The following PNOC variants were observed in gnomAD, a reference collection of about 807,000 sequenced individuals.
The protein encoded by PNOC is nociceptin.
Under a neutral mutation model 15.6 loss-of-function variants are expected in PNOC, and 10 were observed. The observed-to-expected ratio is 0.64, with a 90% confidence interval of 0.40 to 1.09. The LOEUF is 1.09. Ranked by LOEUF, PNOC falls within the 50% of genes least tolerant of loss-of-function variation. The pLI is 0.01. For synonymous variants in PNOC, 98 were observed against 88.5 expected (o/e 1.11, Z -0.60); for missense variants, 220 against 223.9 (o/e 0.98, Z 0.11).
chr8:28,335,563 T>C (rs1195177765), intron 2 of PNOC, among the ~76,000 whole-genome samples: 1 of 152,192 alleles, frequency 6.6e-6, no homozygotes, highest in Non-Finnish European at 1.5e-5. Context: ...GTTTCACTCT[T>C]GTTGCCCAGG....
intron 2 of PNOC, 53 bp downstream of exon 2, chr8:28,329,336 C>T: frequency 6.3e-7 from 1 of 1,599,866 alleles, no homozygotes; most frequent in Non-Finnish European, 8.5e-7. Flanking sequence ...ACTACCTCCT[C>T]CCTCCCTACT....
intron 2 of PNOC, among the ~76,000 whole-genome samples, chr8:28,333,394 C>T (rs901919485): frequency 6.6e-6 from 1 of 152,176 alleles, no homozygotes. Context: ...ATGCCATCAG[C>T]GTGGGCTGCC....
chr8:28,320,787 G>A (rs1193983240), intron 1 of PNOC, among the ~76,000 whole-genome samples: 1 of 149,942 alleles, frequency 6.7e-6, no homozygotes, highest in Admixed American at 6.7e-5. Context: ...GGAGGTGGAG[G>A]TTGCGGTGAG....
At chr8:28,339,690 C>T (rs150979095) in intron 3 of PNOC, 199 bp downstream of exon 3, 21 of 401,310 alleles carry the variant, frequency 5.2e-5, no homozygotes, top group African/African-American at 2.6e-4. Context: ...TGACCACTTC[C>T]GGCTAGAGAC....
At chr8:28,340,517 G>A (rs1362980706) in intron 3 of PNOC, among the ~76,000 whole-genome samples, 4 of 152,170 alleles carry the variant, frequency 2.6e-5, no homozygotes, top group South Asian at 2.1e-4. Flanking sequence ...AAGGCTATGT[G>A]CCTTAATTTG....
At chr8:28,337,621 C>T (rs1170357157) in intron 2 of PNOC, among the ~76,000 whole-genome samples, 1 of 126,162 alleles carries the variant, frequency 7.9e-6, no homozygotes, top group Non-Finnish European at 1.6e-5. Context: ...CTCGTTCTGT[C>T]GCCCAGCGTC....
At chr8:28,325,184 C>T (rs940487147) in intron 1 of PNOC, among the ~76,000 whole-genome samples, 16 of 152,214 alleles carry the variant, frequency 1.1e-4, no homozygotes, top group Admixed American at 3.3e-4. Context: ...CCCCGAGGCT[C>T]GCTGGCCTCC....
chr8:28,337,835 C>T (rs575644970), intron 2 of PNOC, among the ~76,000 whole-genome samples: 11 of 152,064 alleles, frequency 7.2e-5, no homozygotes, highest in African/African-American at 2.7e-4. Context: ...TCGTGATCCA[C>T]CCGCCTCGGC....
chr8:28,336,208 A>G (rs1223883418), intron 2 of PNOC, among the ~76,000 whole-genome samples: 1 of 152,222 alleles, frequency 6.6e-6, no homozygotes, highest in African/African-American at 2.4e-5. Context: ...CCTACTCTTT[A>G]CTGGAAGGAG....
At chr8:28,326,143 G>A (rs1156233177) in intron 1 of PNOC, among the ~76,000 whole-genome samples, 1 of 152,030 alleles carries the variant, frequency 6.6e-6, no homozygotes, top group African/African-American at 2.4e-5. Context: ...TTTGAGGCCA[G>A]GAGTTCGAGA....
At chr8:28,340,446 A>T (rs1486659710) in intron 3 of PNOC, among the ~76,000 whole-genome samples, 1 of 152,180 alleles carries the variant, frequency 6.6e-6, no homozygotes, top group Non-Finnish European at 1.5e-5. Flanking sequence ...CATCACTTTG[A>T]GTGGCATTGG....
intron 2 of PNOC, among the ~76,000 whole-genome samples, chr8:28,334,224 T>C (rs1801375821): frequency 6.6e-6 from 1 of 152,160 alleles, no homozygotes; most frequent in Non-Finnish European, 1.5e-5. Context: ...TACTACACAT[T>C]GATTCTAGCT....
intron 3 of PNOC, among the ~76,000 whole-genome samples, chr8:28,340,581 G>A (rs1258434263): frequency 6.6e-6 from 1 of 152,204 alleles, no homozygotes; most frequent in Non-Finnish European, 1.5e-5. Flanking sequence ...AAATAGCTAA[G>A]AAACTTGCCA....
chr8:28,335,399 C>T (rs557613599), intron 2 of PNOC, among the ~76,000 whole-genome samples: 1 of 152,362 alleles, frequency 6.6e-6, no homozygotes, highest in Non-Finnish European at 1.5e-5. Flanking sequence ...GAATTATATT[C>T]ATGATTTGCA....
rs34916912 is a variant in PNOC at position 28,327,570 on chromosome 8, CTT to C, written c.-23-1552_-23-1551del. Among the ~76,000 whole-genome samples the C allele has an allele frequency of 1.0e-4, 15 of 142,976 alleles. No homozygotes were observed. In the East Asian group the frequency reaches 1.6e-3, roughly 15 times the overall value. The allele number at this position is 142,976 out of a possible 152,430, so 93.8% of individuals were successfully genotyped here. On this transcript the variant is annotated intron_variant, in intron 1 of 3. Transcript: ENST00000301908. ...CTTATAAACAACATAAAATTCTTTT[CTT>C]TTTTTTTTTTTTGAGATGGAGTCTT... is the stretch of plus-strand genomic sequence containing the variant.
intron 3 of PNOC, among the ~76,000 whole-genome samples, chr8:28,340,642 C>T (rs351783): frequency 0.73 from 111,544 of 152,146 alleles, 42,897 homozygotes; most frequent in Middle Eastern, 0.86. Context: ...CTGGGTACTT[C>T]ATAAACAAAG....
At chr8:28,330,406 T>TTTA (rs1563328736) in intron 2 of PNOC, among the ~76,000 whole-genome samples, 1 of 98,202 alleles carries the variant, frequency 1.0e-5, no homozygotes, top group African/African-American at 5.6e-5. Context: ...ATTTTTTTTT[T>TTTA]TTTTTTGAGA....
intron 2 of PNOC, among the ~76,000 whole-genome samples, chr8:28,336,030 G>A (rs955135643): frequency 1.1e-4 from 16 of 152,148 alleles, no homozygotes; most frequent in African/African-American, 1.4e-4. Context: ...GCAACAGTGC[G>A]CATGCTAAGC....
chr8:28,338,888 C>T lies in PNOC; in HGVS notation c.127-152C>T, dbSNP rs993603218. On this transcript the variant is annotated intron_variant, in intron 2 of 3. Coordinates refer to ENST00000301908, the MANE Select transcript of PNOC (RefSeq NM_006228.5). ...GTTTCCAATTCTGAAATTCTACGAACCTAAAACCTGTGTAAAACTGCTCCA... is the reference window on the plus strand; with the variant it reads ...GTTTCCAATTCTGAAATTCTACGAATCTAAAACCTGTGTAAAACTGCTCCA... The T allele has an allele frequency of 2.9e-6, 3 of 1,039,668 alleles. No individual in the cohort carries two copies. In the South Asian group the frequency reaches 8.1e-5, roughly 28 times the overall value. The allele number at this position is 1,039,668 out of a possible 1,614,324, so 64.4% of individuals were successfully genotyped here. A position where few individuals can be genotyped will look rare whatever the true frequency, so the allele number is the denominator to read the frequency against.
Sources: allele counts gnomAD v4.1 joint callset (sites outside exome capture counted in the v4.1 genomes callset), GRCh38; gene constraint gnomAD v4.1.1; transcripts MANE v1.5; gene names NCBI Gene and HGNC (gene_info 2026-07-23, HGNC 2026-07-21).